TMEM114: variants seen among roughly 807,000 people sequenced by gnomAD.
The protein encoded by TMEM114 is claudin-26.
TMEM114 carries 6 observed loss-of-function variants against 6.2 expected under a neutral mutation model. The observed-to-expected ratio is 0.97, with a 90% confidence interval of 0.53 to 1.91. The LOEUF (loss-of-function observed/expected upper bound fraction) is 1.91. TMEM114 is among the 40% of genes most tolerant of loss of function. The pLI, the probability that TMEM114 is intolerant of heterozygous loss-of-function variation, is 0.01. For synonymous variants in TMEM114, 104 were observed against 73.0 expected (o/e 1.42, Z -2.16); for missense variants, 218 against 158.3 (o/e 1.38, Z -2.02).
chr16:8,575,171 T>C (rs771561780), intron 2 of TMEM114, among the ~76,000 whole-genome samples: 3 of 151,846 alleles, frequency 2.0e-5, no homozygotes, highest in Non-Finnish European at 4.4e-5. Flanking sequence ...TGAAAAAGAG[T>C]CTGTGACATA....
Position 8,569,699 on chromosome 16 carries a change from G to A in TMEM114, c.*74C>T, listed in dbSNP as rs1596308435. 4.8e-6 allele frequency: 7 copies of A among 1,467,366 alleles called. No individual in the cohort carries two copies. Among genetic ancestry groups the A allele is most frequent in the African/African-American group, 1.4e-5 (1 of 70,834 alleles). The allele number at this position is 1,467,366 out of a possible 1,614,324, so 90.9% of individuals were successfully genotyped here. On this transcript the variant is annotated 3_prime_UTR_variant, in exon 4 of 4. Transcript: ENST00000620492. ...AGTGGCCTTTGAGGAAGAAGAGGCCGCAGCCGATGGAGATCGGTCGGTGAA... is the reference window on the plus strand; with the variant it reads ...AGTGGCCTTTGAGGAAGAAGAGGCCACAGCCGATGGAGATCGGTCGGTGAA...
At chr16:8,552,501 C>G (rs1228858500) in intron 2 of TMEM114, among the ~76,000 whole-genome samples, 1 of 140,506 alleles carries the variant, frequency 7.1e-6, no homozygotes, top group East Asian at 2.1e-4. Flanking sequence ...GAAATTTGCA[C>G]AAAACTGCAC....
At chr16:8,549,856 G>A (rs931283663) in intron 2 of TMEM114, among the ~76,000 whole-genome samples, 4 of 152,254 alleles carry the variant, frequency 2.6e-5, no homozygotes, top group African/African-American at 7.2e-5. Context: ...TTATTCAGGA[G>A]AATTGGCTCA....
the TMEM114 span, among the ~76,000 whole-genome samples, chr16:8,530,806 T>A: frequency 6.6e-6 from 1 of 152,024 alleles, no homozygotes; most frequent in African/African-American, 2.4e-5. Context: ...GATGAATTGC[T>A]TGAGGCCAGG....
chr16:8,547,392 C>CT lies in TMEM114; in HGVS notation n.213-9567dup, dbSNP rs1382227815. 6.6e-3 allele frequency among the ~76,000 whole-genome samples: 951 copies of CT among 144,538 alleles called. 8 individuals carry two copies. The highest frequency in any genetic ancestry group is 0.023 in the African/African-American group (886 of 38,108). 94.8% of individuals were successfully genotyped at this position (144,538 alleles called of 152,430 possible). On this transcript the variant is annotated intron_variant and non_coding_transcript_variant, in intron 2 of 2. Transcript: ENST00000623677. ...ACGCGCTTTCTTTCTTTCTTTCTTT[C>CT]TTTCTTTTTTTTTTTTTTGAGACGG...
downstream of TMEM114, among the ~76,000 whole-genome samples, chr16:8,535,269 G>C (rs1389536457): frequency 1.3e-5 from 2 of 152,156 alleles, no homozygotes; most frequent in African/African-American, 4.8e-5. Flanking sequence ...GGTGTTGATG[G>C]TTATTGTTTA....
At chr16:8,536,215 A>G (rs1183882548), downstream of TMEM114, among the ~76,000 whole-genome samples, 6 of 147,336 alleles carry the variant, frequency 4.1e-5, no homozygotes, top group Non-Finnish European at 1.5e-5. Context: ...ACAGAGCGAA[A>G]CTCTGTCTCA....
chr16:8,566,913 T>C (rs1387271858), downstream of TMEM114, among the ~76,000 whole-genome samples: 1 of 148,484 alleles, frequency 6.7e-6, no homozygotes, highest in African/African-American at 2.5e-5. Flanking sequence ...TTTTTTTTTT[T>C]TTTTTGAGAT....
chr16:8,559,133 C>A lies in TMEM114; in HGVS notation n.213-21307G>T, dbSNP rs549043536. On this transcript the variant is annotated intron_variant and non_coding_transcript_variant, in intron 2 of 2. Transcript: ENST00000623677. ...TCTCGGCTCACTGCAACCTCTTCTT[C>A]CCAGGTTCAAGTGATTGTCCTGCCT... Among the ~76,000 whole-genome samples, 106 of 152,198 alleles carry A rather than the reference C, an allele frequency of 7.0e-4. 1 individual carries two copies. Among genetic ancestry groups the A allele is most frequent in the Middle Eastern group, 6.8e-3 (2 of 294 alleles).
the TMEM114 span, among the ~76,000 whole-genome samples, chr16:8,531,758 T>G: frequency 1.3e-5 from 2 of 152,190 alleles, no homozygotes; most frequent in East Asian, 3.8e-4. Context: ...CTCAATGAAA[T>G]GATCAATGTA....
At chr16:8,570,155 C>G in intron 3 of TMEM114, 150 bp from the exon 4 acceptor site, 1 of 1,082,958 alleles carries the variant, frequency 9.2e-7, no homozygotes. Flanking sequence ...AGTCTCCCCG[C>G]TGGGTGCATT....
At chr16:8,561,863 A>C (rs1216456345) in intron 2 of TMEM114, among the ~76,000 whole-genome samples, 6 of 145,172 alleles carry the variant, frequency 4.1e-5, no homozygotes, top group African/African-American at 1.0e-4. Context: ...TGAGTGAGTG[A>C]GGGAATGAGT....
intron 2 of TMEM114, among the ~76,000 whole-genome samples, chr16:8,562,119 A>C (rs1459025308): frequency 6.6e-6 from 1 of 151,788 alleles, no homozygotes; most frequent in Non-Finnish European, 1.5e-5. Context: ...CGAATAAGTA[A>C]GTGAATGAGT....
chr16:8,567,719 TAA>T (rs1901591274), downstream of TMEM114, among the ~76,000 whole-genome samples: 2 of 152,196 alleles, frequency 1.3e-5, no homozygotes, highest in Admixed American at 1.3e-4. Flanking sequence ...CTGCAGTATT[TAA>T]TCCAGCACTT....
At chr16:8,575,093 G>A (rs1294161750) in intron 2 of TMEM114, among the ~76,000 whole-genome samples, 1 of 152,152 alleles carries the variant, frequency 6.6e-6, no homozygotes, top group Non-Finnish European at 1.5e-5. Flanking sequence ...CAATTTTGTG[G>A]GGGCTGGGTT....
chr16:8,588,411 G>A lies in TMEM114; in HGVS notation c.301+802C>T, dbSNP rs1161988244. On this transcript the variant is annotated intron_variant, in intron 2 of 3. Transcript: ENST00000620492. ...TTGGAAAAATGAAGGCAGAAATGAC[G>A]ATACTAATAACTTCATAGGGTGTGG... 1.8e-4 allele frequency among the ~76,000 whole-genome samples: 28 copies of A among 152,196 alleles called. No homozygotes were observed. In the South Asian group the frequency reaches 5.4e-3, roughly 29 times the overall value.
chr16:8,535,690 G>A (rs570520671), downstream of TMEM114, among the ~76,000 whole-genome samples: 19 of 152,238 alleles, frequency 1.2e-4, no homozygotes, highest in Non-Finnish European at 1.9e-4. Flanking sequence ...ATCCTTCGTC[G>A]TGGGAACGTC....
At position 8,569,867 on chromosome 16, in the gene TMEM114, C is replaced by T; in HGVS notation, c.578G>A (p.Trp193Ter). Residue 193 changes from tryptophan to a stop codon, truncating the protein, a stop_gained, in exon 4 of 4, where the codon TGG (tryptophan) becomes TAG (stop). Coordinates refer to ENST00000620492, the MANE Select transcript of TMEM114 (RefSeq NM_001146336.2). LOFTEE classifies it high-confidence loss of function. ...GAGCAGCTCGGCGATGAAGCTGATC[C>T]AGCCCAGGGCCAGGGACCAGCCGAA... ...ISFGWSLALGWISFIAELLTG... is the reference protein window; with the variant it reads ...ISFGWSLALG 6.4e-7 allele frequency: 1 copy of T among 1,551,144 alleles called. No homozygotes were observed.
the TMEM114 span, among the ~76,000 whole-genome samples, chr16:8,529,313 C>G: frequency 6.6e-6 from 1 of 152,214 alleles, no homozygotes; most frequent in South Asian, 2.1e-4. Context: ...GACCAGGACT[C>G]CCCAAAGCCA....
Sources: gnomAD v4.1 joint callset for allele counts (sites outside exome capture counted in the v4.1 genomes callset) on GRCh38, gnomAD v4.1.1 for gene constraint, MANE v1.5 for transcripts, NCBI Gene and HGNC (gene_info 2026-07-23, HGNC 2026-07-21) for gene names.